The following CACNA1A variants were observed in gnomAD, a reference collection of about 807,000 sequenced individuals.
CACNA1A encodes calcium voltage-gated channel subunit alpha1 A.
CACNA1A carries 57 observed loss-of-function variants against 262.4 expected under a neutral mutation model. The ratio of observed to expected loss-of-function variants is 0.22; its 90% CI spans 0.18 to 0.27. The LOEUF is 0.27. Ranked by LOEUF, CACNA1A falls within the 10% of genes least tolerant of loss-of-function variation. The pLI is 1.00. For synonymous variants in CACNA1A, 1,431 were observed against 1,419.3 expected (o/e 1.01, Z -0.18); for missense variants, 2,526 against 3,562.8 (o/e 0.71, Z 7.41).
chr19:13,235,142 C>T, intron 33 of CACNA1A, 67 bp downstream of exon 33: 1 of 1,571,030 alleles, frequency 6.4e-7, no homozygotes, highest in East Asian at 2.2e-5. Context: ...CTCCTCTGAC[C>T]CACCCCTTTC....
chr19:13,210,802 G>T, intron 43 of CACNA1A, 150 bp from the exon 44 acceptor site: 1 of 836,576 alleles, frequency 1.2e-6, no homozygotes, highest in Non-Finnish European at 2.0e-6. Context: ...GAGGGAGAAG[G>T]CAGGGAGGAA....
intron 31 of CACNA1A, 73 bp from the exon 32 acceptor site, chr19:13,235,803 G>A: frequency 2.0e-6 from 2 of 1,025,098 alleles, no homozygotes; most frequent in Admixed American, 4.1e-5. Flanking sequence ...ACTCACAGAG[G>A]CCCCTACATG....
Position 13,486,366 on chromosome 19 carries a change from G to GTC in CACNA1A, c.293+19564_293+19565dup, listed in dbSNP as rs1167412544. 3.8e-3 allele frequency among the ~76,000 whole-genome samples: 249 copies of GTC among 65,530 alleles called. 1 individual carries two copies. The highest frequency in any genetic ancestry group is 0.012 in the Middle Eastern group (2 of 170). 43.0% of individuals were successfully genotyped at this position (65,530 alleles called of 152,430 possible). A position where few individuals can be genotyped will look rare whatever the true frequency, so the allele number is the denominator to read the frequency against. The stretch of plus-strand genomic sequence containing the variant: ...CTACACTGCTCTCTAGGTTTGTTCT[G>GTC]TCTCTCTCTCTCTCTCTCTGTCTGT... On this transcript the variant is annotated intron_variant, in intron 1 of 46. Transcript: ENST00000360228.
intron 10 of CACNA1A, among the ~76,000 whole-genome samples, chr19:13,321,076 C>T (rs554235570): frequency 4.0e-5 from 6 of 149,516 alleles, no homozygotes; most frequent in African/African-American, 7.4e-5. Flanking sequence ...TTCTGTCACC[C>T]GGGCTGGAGT....
rs761547761 is a variant in CACNA1A at position 13,255,140 on chromosome 19, C to T, written c.4710G>A (p.Thr1570=). 6.2e-6 allele frequency: 10 copies of T among 1,613,720 alleles called. No individual in the cohort carries two copies. The African/African-American group carries it at 6.7e-5, about 11-fold the overall frequency. ...TGTTGAGGGCGATCATGGCCATGAT[C>T]GTGTACTCGAAAGGCGGAGACACCA... ...QFVVSPPFEY[T]IMAMIALNTI... The change falls in exon 29 of 47, where the codon ACG becomes ACA. Residue 1570 remains threonine, a synonymous_variant. Coordinates refer to ENST00000360228, the MANE Select transcript of CACNA1A (RefSeq NM_001127222.2).
chr19:13,303,934 C>A (rs906109010), intron 15 of CACNA1A, 50 bp from the exon 16 acceptor site: 2 of 1,324,324 alleles, frequency 1.5e-6, no homozygotes, highest in South Asian at 1.3e-5. Context: ...CAGCCACGGG[C>A]CCCTTGGAGA....
chr19:13,429,916 A>G lies in CACNA1A; in HGVS notation c.539+22960T>C, dbSNP rs577855646. On this transcript the variant is annotated intron_variant, in intron 3 of 46. Transcript: ENST00000360228. ...CTCACAGGGGGGACCCAAAGTAGCC[A>G]AATTCACAGAGATAGAAACTAGAAC... 2.7e-5 allele frequency among the ~76,000 whole-genome samples: 4 copies of G among 148,570 alleles called. No homozygotes were observed. In the East Asian group the frequency reaches 8.3e-4, roughly 31 times the overall value.
intron 17 of CACNA1A, 63 bp downstream of exon 17, chr19:13,303,483 C>T (rs1397645120): frequency 5.8e-6 from 3 of 513,904 alleles, no homozygotes; most frequent in East Asian, 5.7e-5. Context: ...CCCCCACCCC[C>T]GTCCTGATCT....
intron 12 of CACNA1A, among the ~76,000 whole-genome samples, chr19:13,310,423 C>T (rs1412729159): frequency 8.0e-6 from 1 of 125,644 alleles, no homozygotes; most frequent in African/African-American, 3.1e-5. Context: ...CCACTGCACT[C>T]CAGCCTGGGC....
At chr19:13,466,721 CT>C (rs1414555937) in intron 1 of CACNA1A, among the ~76,000 whole-genome samples, 2 of 151,898 alleles carry the variant, frequency 1.3e-5, no homozygotes, top group African/African-American at 4.8e-5. Flanking sequence ...TCATCATCAT[CT>C]GACCACGCAT....
At chr19:13,469,460 CTTTTTTTTTTTTTTTT>C (rs1164678494) in intron 1 of CACNA1A, among the ~76,000 whole-genome samples, 1 of 62,152 alleles carries the variant, frequency 1.6e-5, no homozygotes, top group Non-Finnish European at 3.0e-5. Flanking sequence ...TGAACCACCT[CTTTTTTTTTTTTTTTT>C]TTTTTTTTTT....
intron 3 of CACNA1A, among the ~76,000 whole-genome samples, chr19:13,383,577 C>G (rs185333075): frequency 6.6e-6 from 1 of 152,274 alleles, no homozygotes; most frequent in African/African-American, 2.4e-5. Context: ...CTGGCCACTC[C>G]GACTTCCTTT....
intron 32 of CACNA1A, 104 bp downstream of exon 32, chr19:13,235,510 G>T: frequency 2.3e-6 from 2 of 852,520 alleles, no homozygotes; most frequent in South Asian, 2.8e-5. Flanking sequence ...TTCTCTGCAC[G>T]ACTACATCAC....
At chr19:13,250,106 C>T (rs2056357026) in intron 30 of CACNA1A, among the ~76,000 whole-genome samples, 1 of 151,882 alleles carries the variant, frequency 6.6e-6, no homozygotes, top group South Asian at 2.1e-4. Flanking sequence ...GTCACCCAGG[C>T]TGGAGTGCAC....
intron 19 of CACNA1A, among the ~76,000 whole-genome samples, chr19:13,289,917 A>T (rs1364421496): frequency 6.7e-6 from 1 of 148,714 alleles, no homozygotes; most frequent in Admixed American, 6.8e-5. Flanking sequence ...CATATATATT[A>T]TATATATTTA....
chr19:13,433,937 T>C (rs2060566252), intron 3 of CACNA1A, among the ~76,000 whole-genome samples: 1 of 152,192 alleles, frequency 6.6e-6, no homozygotes, highest in Non-Finnish European at 1.5e-5. Flanking sequence ...GTATTGAGTG[T>C]GGCAGTTAAG....
intron 1 of CACNA1A, among the ~76,000 whole-genome samples, chr19:13,490,296 C>T (rs1226851031): frequency 6.6e-6 from 1 of 152,132 alleles, no homozygotes. Flanking sequence ...TCCCAAAAGC[C>T]ACACCACCGA....
chr19:13,345,573 T>C (rs548415502), intron 6 of CACNA1A, among the ~76,000 whole-genome samples: 30 of 152,158 alleles, frequency 2.0e-4, no homozygotes, highest in African/African-American at 7.0e-4. Context: ...TTCCTCTAAT[T>C]TTTTTGAGCA....
chr19:13,234,866 A>G, intron 34 of CACNA1A, 55 bp downstream of exon 34: 1 of 1,195,978 alleles, frequency 8.4e-7, no homozygotes, highest in Admixed American at 1.7e-5. Context: ...AGAAGGATGA[A>G]GGCAGGCACC....
Sources: allele counts gnomAD v4.1 joint callset (sites outside exome capture counted in the v4.1 genomes callset), GRCh38; gene constraint gnomAD v4.1.1; transcripts MANE v1.5; gene names NCBI Gene and HGNC (gene_info 2026-07-23, HGNC 2026-07-21).